RAVER2: variants seen among roughly 807,000 people sequenced by gnomAD.
RAVER2 encodes the protein ribonucleoprotein PTB-binding 2.
Under a neutral mutation model 78.1 loss-of-function variants are expected in RAVER2, and 46 were observed. The observed-to-expected ratio is 0.59, with a 90% CI of 0.46 to 0.75. The LOEUF is 0.75. RAVER2 is among the 30% of genes least tolerant of loss of function. The probability of loss-of-function intolerance (pLI) is 0.00; values close to 1 mark genes in which losing one functional copy is unlikely to be tolerated. For missense variants in RAVER2, 793 were observed against 837.5 expected (o/e 0.95, Z 0.66); for synonymous variants, 311 against 313.3 (o/e 0.99, Z 0.08).
chr1:64,804,770 C>T lies in RAVER2; in HGVS notation c.1228C>T (p.Gln410Ter), dbSNP rs758901734. ...GGGTAATACTTCTAATTTATTCCTTCAGAATCTTTCTCATATACCACTGGC... is the reference window on the plus strand; with the variant it reads ...GGGTAATACTTCTAATTTATTCCTTTAGAATCTTTCTCATATACCACTGGC... Residue 410 changes from glutamine to a stop codon, truncating the protein, a stop_gained, in exon 7 of 12, where the codon CAG becomes TAG. Transcript: ENST00000294428. LOFTEE classifies it high-confidence loss of function. The T allele has an allele frequency of 1.9e-6, 3 of 1,542,188 alleles. No individual in the cohort carries two copies. The East Asian group carries it at 6.7e-5, about 35-fold the overall frequency.
At chr1:64,812,772 A>T in exon 10 of RAVER2, 1 of 1,612,590 alleles carries the variant, frequency 6.2e-7, no homozygotes, top group Non-Finnish European at 8.5e-7. Flanking sequence ...CTCTTGGGAG[A>T]ACCACCAAAA....
intron 11 of RAVER2, among the ~76,000 whole-genome samples, chr1:64,828,699 A>G (rs758671745): frequency 2.6e-5 from 4 of 152,028 alleles, no homozygotes; most frequent in Admixed American, 6.6e-5. Flanking sequence ...TAAAAACATA[A>G]AATTACTATT....
At chr1:64,781,246 TA>T in intron 3 of RAVER2, 133 bp from the exon 4 acceptor site, 1 of 806,714 alleles carries the variant, frequency 1.2e-6, no homozygotes, top group Non-Finnish European at 1.8e-6. Flanking sequence ...AACATTTTCA[TA>T]AAGAAAGAAT....
At chr1:64,831,629 G>GTA (rs886657369) in exon 12 of RAVER2, 1 of 152,042 alleles carries the variant, frequency 6.6e-6, no homozygotes, top group African/African-American at 2.4e-5. Flanking sequence ...AAAATAGAAG[G>GTA]TATTTTAAGA....
In RAVER2 at chr1:64,777,531, T is replaced by G. The variant is rs1376591859; in HGVS notation, c.317-92T>G. On this transcript the variant is annotated intron_variant, in intron 2 of 11. Coordinates refer to ENST00000294428, the Ensembl canonical transcript of RAVER2. Reference sequence around the variant, plus strand: ...TTTTGTTTCAGAAAAAAGGTGTATGTTTATGTGTACCAAGTCACAGAAGTA... The same window carrying G: ...TTTTGTTTCAGAAAAAAGGTGTATGGTTATGTGTACCAAGTCACAGAAGTA... The G allele has an allele frequency of 4.8e-6, 5 of 1,048,428 alleles. No homozygotes were observed. In the Admixed American group the frequency reaches 1.3e-4, roughly 27 times the overall value. The allele number at this position is 1,048,428 out of a possible 1,614,324, so 64.9% of individuals were successfully genotyped here. A position where few individuals can be genotyped will look rare whatever the true frequency, so the allele number is the denominator to read the frequency against.
chr1:64,812,954 C>T (rs1653658821), intron 10 of RAVER2, 105 bp downstream of exon 10: 1 of 652,030 alleles, frequency 1.5e-6, no homozygotes, highest in Admixed American at 3.7e-5. Flanking sequence ...TACCTATTGA[C>T]CAAATTAAGG....
chr1:64,832,212 T>C (rs964277779), exon 12 of RAVER2: 1 of 152,632 alleles, frequency 6.6e-6, no homozygotes, highest in African/African-American at 2.4e-5. Flanking sequence ...CAGTCAATAC[T>C]GCACTTTCTG....
chr1:64,746,770 C>T (rs1202019447), intron 1 of RAVER2, among the ~76,000 whole-genome samples: 1 of 152,130 alleles, frequency 6.6e-6, no homozygotes, highest in African/African-American at 2.4e-5. Context: ...GTTAAGGACA[C>T]CTGCAATGGA....
intron 11 of RAVER2, among the ~76,000 whole-genome samples, chr1:64,823,160 T>C (rs935890382): frequency 1.5e-4 from 23 of 152,196 alleles, no homozygotes; most frequent in Non-Finnish European, 2.8e-4. Flanking sequence ...TTTTGGACTC[T>C]TTAGAAATTA....
intron 5 of RAVER2, among the ~76,000 whole-genome samples, chr1:64,794,284 G>C (rs910047823): frequency 5.9e-5 from 9 of 151,602 alleles, no homozygotes; most frequent in African/African-American, 2.2e-4. Context: ...TGTAGTCCCA[G>C]CTACTCGGGA....
chr1:64,776,808 A>G (rs1236644637), intron 2 of RAVER2, among the ~76,000 whole-genome samples: 1 of 152,214 alleles, frequency 6.6e-6, no homozygotes, highest in Non-Finnish European at 1.5e-5. Flanking sequence ...ATGTAATTTT[A>G]CCAGATATGA....
At chr1:64,780,380 T>C (rs1652595483) in intron 3 of RAVER2, among the ~76,000 whole-genome samples, 1 of 152,314 alleles carries the variant, frequency 6.6e-6, no homozygotes, top group Non-Finnish European at 1.5e-5. Flanking sequence ...GAAAAGATAT[T>C]TGTTGACAGT....
exon 12 of RAVER2, chr1:64,833,153 C>CTGT (rs1469372315): frequency 6.0e-5 from 11 of 182,214 alleles, no homozygotes; most frequent in South Asian, 2.0e-4. Context: ...CAAAACTATA[C>CTGT]TGTTATTTTT....
At chr1:64,811,704 A>G (rs946210460) in intron 9 of RAVER2, among the ~76,000 whole-genome samples, 1 of 152,222 alleles carries the variant, frequency 6.6e-6, no homozygotes, top group African/African-American at 2.4e-5. Flanking sequence ...CATACAACAT[A>G]TGTGTTAATT....
At chr1:64,797,211 G>A (rs1156318794) in intron 5 of RAVER2, among the ~76,000 whole-genome samples, 3 of 152,116 alleles carry the variant, frequency 2.0e-5, no homozygotes, top group South Asian at 2.1e-4. Flanking sequence ...TTCTATACAC[G>A]TCAGTTAGAT....
At chr1:64,824,940 A>C (rs1294516283) in intron 11 of RAVER2, among the ~76,000 whole-genome samples, 3 of 109,966 alleles carry the variant, frequency 2.7e-5, no homozygotes, top group African/African-American at 8.2e-5. Context: ...CCCAAAAAAA[A>C]AAAAAAAAAA....
Position 64,781,654 on chromosome 1 carries a change from AATTG to A in RAVER2, c.978+88_978+91del, listed in dbSNP as rs1261526788. On this transcript the variant is annotated intron_variant, in intron 4 of 11. Transcript: ENST00000294428. ...TTAATCTATCCAGTCTAGCCAAAGT[AATTG>A]ATTGTCGATTGCACCATCATTGCAT... The A allele has an allele frequency of 6.9e-6, 9 of 1,307,698 alleles. No individual in the cohort carries two copies. In the East Asian group the frequency reaches 1.2e-4, roughly 18 times the overall value. 81.0% of individuals were successfully genotyped at this position (1,307,698 alleles called of 1,614,324 possible). A position where few individuals can be genotyped will look rare whatever the true frequency, so the allele number is the denominator to read the frequency against.
chr1:64,832,154 T>C (rs1055843038), exon 12 of RAVER2: 1 of 135,040 alleles, frequency 7.4e-6, no homozygotes, highest in African/African-American at 3.3e-5. Flanking sequence ...ATGGGGCCTA[T>C]TTTGATCACT....
chr1:64,753,149 G>A (rs761133861), intron 1 of RAVER2, among the ~76,000 whole-genome samples: 1 of 152,094 alleles, frequency 6.6e-6, no homozygotes, highest in Non-Finnish European at 1.5e-5. Flanking sequence ...GACCTTCCTC[G>A]CTCAAGCAAT....
Sources: gnomAD v4.1 joint callset for allele counts (sites outside exome capture counted in the v4.1 genomes callset) on GRCh38, gnomAD v4.1.1 for gene constraint, MANE v1.5 for transcripts, NCBI Gene and HGNC (gene_info 2026-07-23, HGNC 2026-07-21) for gene names.